The following UBE2C variants were observed in gnomAD, a reference collection of about 807,000 sequenced individuals.
The protein encoded by UBE2C is ubiquitin conjugating enzyme E2 C, also known as ubiquitin-conjugating enzyme E2 C.
In UBE2C, 16 loss-of-function variants were observed where a neutral mutation model predicts 23.5. That is an observed-to-expected ratio of 0.68 (90% CI 0.46 to 1.03). The LOEUF (loss-of-function observed/expected upper bound fraction) is 1.03, where lower values mean the gene tolerates loss of function less well. Among genes scored for constraint, UBE2C ranks in the 50% least tolerant of loss-of-function variants. UBE2C has a pLI of 0.00. For synonymous variants in UBE2C, 76 were observed against 91.6 expected (o/e 0.83, Z 0.97); for missense variants, 192 against 227.6 (o/e 0.84, Z 1.01).
chr20:45,814,429 C>G lies in UBE2C; in HGVS notation c.175C>G (p.Leu59Val). ...TTCTGCCTTCCCTGAATCAGACAAC[C>G]TTTTCAAATGGGTAGGGACCATCCA... The part of the protein sequence containing the change: ...GISAFPESDN[L>V]FKWVGTIHGA... Residue 59 changes from leucine (L) to valine (V), a missense_variant, in exon 3 of 6, where the codon CTT (leucine) becomes GTT (valine). Leu to Val is a conservative substitution (Grantham distance 32). Transcript: ENST00000356455. 5 of 1,611,226 alleles carry G rather than the reference C, an allele frequency of 3.1e-6. No individual in the cohort carries two copies. Among genetic ancestry groups the G allele is most frequent in the Non-Finnish European group, 4.2e-6 (5 of 1,178,650 alleles).
rs988302552 is a variant in UBE2C, at chr20:45,812,845, T to G, written c.101+49T>G. 3 of 1,519,808 alleles carry G rather than the reference T, an allele frequency of 2.0e-6. No homozygotes were observed. The African/African-American group carries it at 4.2e-5, about 21-fold the overall frequency. 94.1% of individuals were successfully genotyped at this position (1,519,808 alleles called of 1,614,324 possible). A position where few individuals can be genotyped will look rare whatever the true frequency, so the allele number is the denominator to read the frequency against. The stretch of plus-strand genomic sequence containing the variant: ...GCCGGGCCTGCCATGCCCTAGGCAT[T>G]GGTACCCAGAGCAAAGATTTCTAGG... On this transcript the variant is annotated intron_variant, in intron 1 of 5. Coordinates refer to ENST00000356455, the MANE Select transcript of UBE2C (RefSeq NM_007019.4).
intron 3 of UBE2C, 64 bp from the exon 4 acceptor site, chr20:45,815,477 G>C (rs1982427268): frequency 7.4e-6 from 12 of 1,614,172 alleles, no homozygotes; most frequent in Non-Finnish European, 9.3e-6. Context: ...CCTTGTGTGG[G>C]GCTTGGGTTG....
intron 1 of UBE2C, 35 bp from the exon 2 acceptor site, chr20:45,813,402 A>T (rs748406595): frequency 6.2e-7 from 1 of 1,614,040 alleles, no homozygotes. Flanking sequence ...TGGCCCATCC[A>T]GACTCCCAGG....
Position 45,812,814 on chromosome 20 carries a change from C to G in UBE2C, c.101+18C>G. On this transcript the variant is annotated intron_variant, in intron 1 of 5. Transcript: ENST00000356455. ...GGCAAAAGGTGAGTGATGCGGCCTA[C>G]CACTCGCCGGGCCTGCCATGCCCTA... 1 of 1,548,656 alleles carries G rather than the reference C, an allele frequency of 6.5e-7. No homozygotes were observed. Among genetic ancestry groups the G allele is most frequent in the East Asian group, 2.4e-5 (1 of 41,228 alleles).
rs1982490235 is a variant in UBE2C at position 45,815,851 on chromosome 20, C to T, written c.422-3C>T. 1 of 1,614,008 alleles carries T rather than the reference C, an allele frequency of 6.2e-7. No individual in the cohort carries two copies. The highest frequency in any genetic ancestry group is 1.3e-5 in the African/African-American group (1 of 74,926). ...TTGACCTTCTCTTTCTCTCCACCCA[C>T]AGAACCCAACATTGATAGTCCCTTG... On this transcript the variant is annotated splice_polypyrimidine_tract_variant and splice_region_variant and intron_variant, in intron 4 of 5. Coordinates refer to ENST00000356455, the MANE Select transcript of UBE2C (RefSeq NM_007019.4).
At position 45,814,491 on chromosome 20, in the gene UBE2C, G is replaced by A. The variant is rs1982296969; in HGVS notation, c.216+21G>A. 2 of 1,590,064 alleles carry A rather than the reference G, an allele frequency of 1.3e-6. 1 individual carries two copies. ...GAACAGTAAGTGTAGGGCTGGGATG[G>A]GTGAGTGAGTCTGGGGAAAGGTGGG... is the stretch of plus-strand genomic sequence containing the variant. On this transcript the variant is annotated intron_variant, in intron 3 of 5. Coordinates refer to ENST00000356455, the MANE Select transcript of UBE2C (RefSeq NM_007019.4).
At chr20:45,814,148 A>G (rs3080100) in intron 2 of UBE2C, among the ~76,000 whole-genome samples, 3 of 129,092 alleles carry the variant, frequency 2.3e-5, no homozygotes, top group Non-Finnish European at 4.6e-5. Context: ...CTCTCTCTCT[A>G]TATATATATA....
chr20:45,813,524 T>G, intron 2 of UBE2C, 60 bp downstream of exon 2: 6 of 1,612,304 alleles, frequency 3.7e-6, no homozygotes, highest in Non-Finnish European at 5.1e-6. Flanking sequence ...GCCTCCTTTT[T>G]TCCGTCAGCT....
Position 45,813,422 on chromosome 20 carries a change from A to C in UBE2C, c.102-15A>C. On this transcript the variant is annotated splice_polypyrimidine_tract_variant and intron_variant, in intron 1 of 5. Coordinates refer to ENST00000356455, the MANE Select transcript of UBE2C (RefSeq NM_007019.4). ...CATCCAGACTCCCAGGTAACCCCGAATACTCTTTTTTCAGGCTACAGCAGG... is the reference window on the plus strand; with the variant it reads ...CATCCAGACTCCCAGGTAACCCCGACTACTCTTTTTTCAGGCTACAGCAGG... 6.2e-7 allele frequency: 1 copy of C among 1,614,012 alleles called. No homozygotes were observed.
At chr20:45,812,988 C>G (rs1982067469) in intron 1 of UBE2C, 192 bp downstream of exon 1, 1 of 1,430,856 alleles carries the variant, frequency 7.0e-7, no homozygotes, top group South Asian at 1.5e-5. Context: ...ACTTCCGGGA[C>G]TCCCACCTCC....
At chr20:45,813,648 C>T (rs1355079778) in intron 2 of UBE2C, among the ~76,000 whole-genome samples, 184 bp downstream of exon 2, 3 of 151,296 alleles carry the variant, frequency 2.0e-5, no homozygotes, top group African/African-American at 4.9e-5. Context: ...TCCCCCCACA[C>T]GAAGTTATCT....
chr20:45,814,226 ATATG>A (rs1982240272), intron 2 of UBE2C, among the ~76,000 whole-genome samples, 154 bp from the exon 3 acceptor site: 1 of 146,770 alleles, frequency 6.8e-6, no homozygotes, highest in Non-Finnish European at 1.5e-5. Flanking sequence ...ATACACATAT[ATATG>A]TGTGTGTGTA....
chr20:45,816,908 G>T lies in UBE2C; in HGVS notation c.*141G>T, dbSNP rs1982624334. 3 of 667,568 alleles carry T rather than the reference G, an allele frequency of 4.5e-6. No homozygotes were observed. The South Asian group carries it at 6.6e-5, about 15-fold the overall frequency. The allele number at this position is 667,568 out of a possible 1,614,324, so 41.4% of individuals were successfully genotyped here. On this transcript the variant is annotated 3_prime_UTR_variant, in exon 6 of 6. Coordinates refer to ENST00000356455, the MANE Select transcript of UBE2C (RefSeq NM_007019.4). ...TTTTTGTCTTTTAAATTAAGCCTCG[G>T]TTGAGCCCTTGTATATTAAATAAAT...
intron 1 of UBE2C, 60 bp downstream of exon 1, chr20:45,812,856 G>T: frequency 5.3e-6 from 8 of 1,504,362 alleles, no homozygotes; most frequent in Non-Finnish European, 7.1e-6. Flanking sequence ...GGTACCCAGA[G>T]CAAAGATTTC....
Position 45,815,541 on chromosome 20 carries a change from G to C in UBE2C, c.217G>C (p.Val73Leu), listed in dbSNP as rs779653538. 6.2e-7 allele frequency: 1 copy of C among 1,614,048 alleles called. No individual in the cohort carries two copies. Among genetic ancestry groups the C allele is most frequent in the East Asian group, 2.2e-5 (1 of 44,866 alleles). Residue 73 changes from valine (V) to leucine (L), a missense_variant and splice_region_variant, in exon 4 of 6, where the codon GTA (valine) becomes CTA (leucine). Val to Leu is a conservative substitution (Grantham distance 32, BLOSUM62 1). Coordinates refer to ENST00000356455, the MANE Select transcript of UBE2C (RefSeq NM_007019.4). ...VGTIHGAAGT[V>L]YEDLRYKLSL... ...CTGCAACTGTTTCTCCAAATGCCAG[G>C]TATATGAAGACCTGAGGTATAAGCT...
chr20:45,816,030 G>A (rs1982517593), intron 5 of UBE2C, 117 bp downstream of exon 5: 4 of 1,024,080 alleles, frequency 3.9e-6, no homozygotes, highest in African/African-American at 1.6e-5. Flanking sequence ...TGGAGTGTCG[G>A]CAGCAACCCA....
At chr20:45,813,818 G>C (rs569338615) in intron 2 of UBE2C, among the ~76,000 whole-genome samples, 1 of 152,158 alleles carries the variant, frequency 6.6e-6, no homozygotes, top group East Asian at 1.9e-4. Flanking sequence ...TGAGATTAAG[G>C]GGAGGCTGGG....
intron 1 of UBE2C, 74 bp downstream of exon 1, chr20:45,812,870 G>A: frequency 6.8e-7 from 1 of 1,481,082 alleles, no homozygotes; most frequent in South Asian, 1.3e-5. Flanking sequence ...AGATTTCTAG[G>A]ACCACCCCCC....
rs533855132 is a variant in UBE2C, at chr20:45,815,315, T to C, written c.217-226T>C. 4 of 1,484,418 alleles carry C rather than the reference T, an allele frequency of 2.7e-6. No individual in the cohort carries two copies. The South Asian group carries it at 5.4e-5, about 20-fold the overall frequency. 92.0% of individuals were successfully genotyped at this position (1,484,418 alleles called of 1,614,324 possible). On this transcript the variant is annotated intron_variant, in intron 3 of 5. Coordinates refer to ENST00000356455, the MANE Select transcript of UBE2C (RefSeq NM_007019.4). ...AGGCAGATCACATGAGCCCAGGAGT[T>C]TGAGACTGGCCTGGGCAACATGGTG...
Sources: allele counts gnomAD v4.1 joint callset (sites outside exome capture counted in the v4.1 genomes callset), GRCh38; gene constraint gnomAD v4.1.1; transcripts MANE v1.5; gene names NCBI Gene and HGNC (gene_info 2026-07-23, HGNC 2026-07-21).